The following MBD5 variants were observed in gnomAD, a reference collection of about 807,000 sequenced individuals.
MBD5 encodes the protein methyl-CpG-binding domain protein 5.
A neutral mutation model predicts 117.3 loss-of-function variants in MBD5; 13 were observed. The ratio of observed to expected loss-of-function variants is 0.11; its 90% confidence interval spans 0.07 to 0.18. MBD5 has a LOEUF of 0.18. MBD5 is among the 10% of genes least tolerant of loss of function. MBD5 has a pLI of 1.00. For synonymous variants in MBD5, 727 were observed against 766.4 expected, an observed-to-expected ratio of 0.95 and a Z score of 0.85; for missense variants, 1,879 against 2,093.8, an observed-to-expected ratio of 0.90 and a Z score of 2.00.
chr2:148,145,265 A>G (rs1251610492), intron 1 of MBD5, among the ~76,000 whole-genome samples: 1 of 152,156 alleles, frequency 6.6e-6, no homozygotes, highest in African/African-American at 2.4e-5. Context: ...TTATTGCTTT[A>G]TAGGAATGCT....
At position 148,470,141 on chromosome 2, in the gene MBD5, C is replaced by A. The variant is rs1438163020; in HGVS notation, c.2198C>A (p.Ser733Tyr). Residue 733 changes from serine to tyrosine, a missense_variant, in exon 8 of 14, where the codon TCT (serine) becomes TAT (tyrosine). Physicochemically the swap from Ser to Tyr is moderately radical, Grantham distance 144. Transcript: ENST00000642680. The part of the protein sequence containing the change: ...CGASNTALPC[S>Y]ANQLHFTDPS... ...GCCTCAAATACTGCTTTGCCTTGCTCTGCTAACCAGCTGCATTTTACAGAT... is the reference window on the plus strand; with the variant it reads ...GCCTCAAATACTGCTTTGCCTTGCTATGCTAACCAGCTGCATTTTACAGAT... 1.9e-6 allele frequency: 3 copies of A among 1,613,928 alleles called. No homozygotes were observed. The South Asian group carries it at 3.3e-5, about 18-fold the overall frequency.
At chr2:148,169,523 A>G (rs534878279) in intron 1 of MBD5, among the ~76,000 whole-genome samples, 1 of 152,330 alleles carries the variant, frequency 6.6e-6, no homozygotes, top group Non-Finnish European at 1.5e-5. Flanking sequence ...GTCTTCCCCA[A>G]GTAATGGATA....
At chr2:148,447,131 AAGAG>A (rs70995315) in intron 4 of MBD5, among the ~76,000 whole-genome samples, 33,958 of 148,548 alleles carry the variant, frequency 0.23, 4,565 homozygotes, top group Non-Finnish European at 0.31. Flanking sequence ...AAGAAAAAGA[AAGAG>A]AGAGAGAGAA....
intron 4 of MBD5, among the ~76,000 whole-genome samples, chr2:148,444,036 C>T (rs1252748802): frequency 1.3e-5 from 2 of 150,942 alleles, no homozygotes; most frequent in African/African-American, 4.9e-5. Context: ...TGTGTACCCA[C>T]AAAAATTAAA....
intron 3 of MBD5, among the ~76,000 whole-genome samples, chr2:148,281,210 G>A (rs1027995706): frequency 6.6e-6 from 1 of 152,010 alleles, no homozygotes; most frequent in Non-Finnish European, 1.5e-5. Flanking sequence ...TCTAAAATTT[G>A]TTCTATGTTA....
rs752497140 is a variant in MBD5 at position 148,513,866 on chromosome 2, T to C, written c.*925T>C. ...ACTGCACCACCGCTGGTGCTCAGAATTGAGGGTTTTTTTGCAAATGATATC... is the reference window on the plus strand; with the variant it reads ...ACTGCACCACCGCTGGTGCTCAGAACTGAGGGTTTTTTTGCAAATGATATC... On this transcript the variant is annotated 3_prime_UTR_variant, in exon 14 of 14. Coordinates refer to ENST00000642680, the MANE Select transcript of MBD5 (RefSeq NM_001378120.1). 11 of 152,226 alleles carry C rather than the reference T, an allele frequency of 7.2e-5. No individual in the cohort carries two copies. The highest frequency in any genetic ancestry group is 1.5e-4 in the Non-Finnish European group (10 of 68,032). 9.4% of individuals were successfully genotyped at this position (152,226 alleles called of 1,614,324 possible). A position where few individuals can be genotyped will look rare whatever the true frequency, so the allele number is the denominator to read the frequency against.
At chr2:148,221,696 C>T (rs1488613566) in intron 2 of MBD5, among the ~76,000 whole-genome samples, 1 of 152,038 alleles carries the variant, frequency 6.6e-6, no homozygotes, top group Non-Finnish European at 1.5e-5. Flanking sequence ...AATATTTTCT[C>T]CAATTCTTTG....
intron 3 of MBD5, among the ~76,000 whole-genome samples, chr2:148,323,970 T>A (rs1348567522): frequency 2.0e-5 from 3 of 152,182 alleles, no homozygotes; most frequent in Admixed American, 6.5e-5. Flanking sequence ...GTTTTTATGG[T>A]TTTAGGTCTA....
intron 4 of MBD5, among the ~76,000 whole-genome samples, chr2:148,452,767 A>T (rs1335839995): frequency 6.6e-6 from 1 of 152,186 alleles, no homozygotes; most frequent in East Asian, 1.9e-4. Flanking sequence ...TAAAGTTAGC[A>T]TATCAGTTTT....
chr2:148,235,800 T>C (rs1395513157), intron 3 of MBD5, among the ~76,000 whole-genome samples: 1 of 142,716 alleles, frequency 7.0e-6, no homozygotes, highest in Non-Finnish European at 1.5e-5. Context: ...AAAGGGGGAG[T>C]GTTTTGGGGG....
chr2:148,511,099 A>G (rs377497415), intron 13 of MBD5, among the ~76,000 whole-genome samples: 1 of 152,188 alleles, frequency 6.6e-6, no homozygotes, highest in African/African-American at 2.4e-5. Flanking sequence ...GCTCCACACC[A>G]GGGCACAGAT....
At chr2:148,123,071 TCTTC>T (rs1240538251) in intron 1 of MBD5, among the ~76,000 whole-genome samples, 3 of 152,208 alleles carry the variant, frequency 2.0e-5, no homozygotes, top group Non-Finnish European at 4.4e-5. Flanking sequence ...CAAGTGCTGC[TCTTC>T]CTATCTTTTA....
At chr2:148,478,313 A>C (rs1444059412) in intron 8 of MBD5, among the ~76,000 whole-genome samples, 1 of 152,196 alleles carries the variant, frequency 6.6e-6, no homozygotes, top group Non-Finnish European at 1.5e-5. Context: ...GAGCAGGCAC[A>C]GTGGCTCACG....
intron 1 of MBD5, among the ~76,000 whole-genome samples, chr2:148,102,725 C>G (rs1037952007): frequency 0.013 from 875 of 68,934 alleles, 3 homozygotes; most frequent in African/African-American, 0.02. Flanking sequence ...CACACACACA[C>G]ACACAGAGAG....
intron 1 of MBD5, among the ~76,000 whole-genome samples, chr2:148,124,959 T>C (rs1159728976): frequency 6.6e-6 from 1 of 150,904 alleles, no homozygotes. Context: ...GATATATATG[T>C]AAAAATATAT....
intron 10 of MBD5, among the ~76,000 whole-genome samples, chr2:148,488,949 A>T (rs796666281): frequency 6.6e-6 from 1 of 152,160 alleles, no homozygotes; most frequent in East Asian, 1.9e-4. Context: ...CACTTAGTTA[A>T]GTGGAAACAT....
chr2:148,503,853 A>G (rs1243755877), intron 12 of MBD5, among the ~76,000 whole-genome samples: 1 of 152,242 alleles, frequency 6.6e-6, no homozygotes, highest in African/African-American at 2.4e-5. Context: ...CAAATTACCT[A>G]CACCACAAAT....
chr2:148,435,027 T>G (rs1348148124), intron 4 of MBD5, among the ~76,000 whole-genome samples: 1 of 152,138 alleles, frequency 6.6e-6, no homozygotes, highest in African/African-American at 2.4e-5. Flanking sequence ...TTCATTGTCT[T>G]TCTTGATCAT....
chr2:148,187,649 G>A, intron 2 of MBD5, among the ~76,000 whole-genome samples: 1 of 151,956 alleles, frequency 6.6e-6, no homozygotes, highest in South Asian at 2.1e-4. Flanking sequence ...AATGAGATCG[G>A]TATCAAAAGA....
Sources: gnomAD v4.1 joint callset for allele counts (sites outside exome capture counted in the v4.1 genomes callset) on GRCh38, gnomAD v4.1.1 for gene constraint, MANE v1.5 for transcripts, NCBI Gene and HGNC (gene_info 2026-07-23, HGNC 2026-07-21) for gene names.